The following SFI1 variants were observed in gnomAD, a reference collection of about 807,000 sequenced individuals.
SFI1 encodes SFI1 centrin binding protein, also known as protein SFI1 homolog.
Under a neutral mutation model 207.5 loss-of-function variants are expected in SFI1, and 195 were observed. The ratio of observed to expected loss-of-function variants is 0.94; its 90% confidence interval spans 0.84 to 1.06. The LOEUF (loss-of-function observed/expected upper bound fraction) is 1.06. Among genes scored for constraint, SFI1 ranks in the 50% least tolerant of loss-of-function variants. SFI1 has a pLI of 0.00. For missense variants in SFI1, 1,634 were observed against 1,588.0 expected (o/e 1.03, Z -0.49); for synonymous variants, 630 against 598.9 (o/e 1.05, Z -0.76).
chr22:31,521,166 G>C (rs2057200972), intron 2 of SFI1: 1 of 157,524 alleles, frequency 6.3e-6, no homozygotes, highest in African/African-American at 2.4e-5. Flanking sequence ...AGATTAATTA[G>C]AGACCTGAGA....
At chr22:31,584,213 G>T (rs1288429315) in intron 13 of SFI1, among the ~76,000 whole-genome samples, 2 of 152,140 alleles carry the variant, frequency 1.3e-5, no homozygotes, top group African/African-American at 4.8e-5. Flanking sequence ...TATGTGCCTG[G>T]TCGCTCACTG....
chr22:31,528,689 G>A lies in SFI1; in HGVS notation c.93-1G>A, dbSNP rs770091824. 32 of 1,611,222 alleles carry A rather than the reference G, an allele frequency of 2.0e-5. No homozygotes were observed. In the African/African-American group the frequency reaches 3.7e-4, roughly 19 times the overall value. ...TTGCCTCTTTCGTCCTCAAATTTAA[G>A]GTATTTTAAGGATGGTGCAGTTAAG... On this transcript the variant is annotated splice_acceptor_variant, in intron 2 of 32. Transcript: ENST00000400288. LOFTEE classifies it high-confidence loss of function.
intron 11 of SFI1, among the ~76,000 whole-genome samples, chr22:31,578,725 C>G (rs562093385): frequency 1.1e-4 from 17 of 152,056 alleles, no homozygotes; most frequent in African/African-American, 4.1e-4. Flanking sequence ...TTTTGAGTGG[C>G]GGAAGCCTCA....
In SFI1 at chr22:31,611,803, G is replaced by A. The variant is rs2070194803; in HGVS notation, c.2453G>A (p.Arg818Lys). 6.2e-7 allele frequency: 1 copy of A among 1,613,962 alleles called. No homozygotes were observed. The highest frequency in any genetic ancestry group is 2.2e-5 in the East Asian group (1 of 44,882). ...CAGAGCACCCAACTGCTGGCACAGA[G>A]ACTCAGCCGGACCTGCTTCCGCCAG... ...HRQSTQLLAQRLSRTCFRQWR... is the reference protein window; with the variant it reads ...HRQSTQLLAQKLSRTCFRQWR... Residue 818 changes from arginine to lysine, a missense_variant, in exon 24 of 33, where the codon AGA becomes AAA. Transcript: ENST00000400288.
At position 31,546,881 on chromosome 22, in the gene SFI1, T is replaced by A; in HGVS notation, c.359T>A (p.Leu120Ter). ...CGTAGATTTTACTATGAGCAGCGAT[T>A]ACTACGGAAGGTCTTCGAAGAATGG... Reference protein sequence around the residue: ...SKARFYYEQRLLRKVFEEWKE... With the variant: ...SKARFYYEQR Residue 120 changes from leucine (L) to a stop codon, truncating the protein, a stop_gained, in exon 5 of 33, where the codon TTA (leucine) becomes TAA (stop). Coordinates refer to ENST00000400288, the MANE Select transcript of SFI1 (RefSeq NM_001007467.3). LOFTEE classifies it high-confidence loss of function. 1 of 1,609,452 alleles carries A rather than the reference T, an allele frequency of 6.2e-7. No individual in the cohort carries two copies. The highest frequency in any genetic ancestry group is 8.5e-7 in the Non-Finnish European group (1 of 1,177,906).
In SFI1 at chr22:31,615,033, C is replaced by T. The variant is rs1395743118; in HGVS notation, c.3069-15C>T. ...TCCTGTGGCCTGACCAGGCTCTTGCCTTCCCTGTGCTCAGGCCTCAGAAGC... is the reference window on the plus strand; with the variant it reads ...TCCTGTGGCCTGACCAGGCTCTTGCTTTCCCTGTGCTCAGGCCTCAGAAGC... On this transcript the variant is annotated splice_polypyrimidine_tract_variant and intron_variant, in intron 28 of 32. Coordinates refer to ENST00000400288, the MANE Select transcript of SFI1 (RefSeq NM_001007467.3). 12 of 1,611,348 alleles carry T rather than the reference C, an allele frequency of 7.4e-6. No individual in the cohort carries two copies. The highest frequency in any genetic ancestry group is 9.3e-6 in the Non-Finnish European group (11 of 1,179,250).
intron 6 of SFI1, among the ~76,000 whole-genome samples, chr22:31,554,494 G>C (rs950789557): frequency 6.6e-6 from 1 of 151,442 alleles, no homozygotes. Flanking sequence ...ATTTTTAATA[G>C]AGACGGGATT....
intron 6 of SFI1, 79 bp from the exon 7 acceptor site, chr22:31,556,863 G>A: frequency 3.3e-6 from 3 of 914,548 alleles, no homozygotes; most frequent in Non-Finnish European, 4.9e-6. Flanking sequence ...ATTCAAAGGA[G>A]AGCCCTTGAG....
At chr22:31,593,434 T>G (rs913563192) in intron 15 of SFI1, among the ~76,000 whole-genome samples, 7 of 130,966 alleles carry the variant, frequency 5.3e-5, no homozygotes, top group Admixed American at 3.7e-4. Context: ...TTCCTAGATG[T>G]GATGGCGGCT....
At chr22:31,528,583 G>C in intron 2 of SFI1, 107 bp from the exon 3 acceptor site, 3 of 1,000,914 alleles carry the variant, frequency 3.0e-6, no homozygotes, top group Non-Finnish European at 4.5e-6. Context: ...GGTATTGTCA[G>C]TCTCAATGAG....
At chr22:31,530,975 G>A (rs956493451) in intron 3 of SFI1, 83 bp from the exon 4 acceptor site, 35 of 1,162,308 alleles carry the variant, frequency 3.0e-5, no homozygotes, top group Non-Finnish European at 4.4e-5. Context: ...AGACCTTAAA[G>A]GCTTCCTTTC....
intron 5 of SFI1, among the ~76,000 whole-genome samples, chr22:31,548,544 G>A (rs1266734362): frequency 6.6e-6 from 1 of 151,798 alleles, no homozygotes; most frequent in Non-Finnish European, 1.5e-5. Context: ...TCGGAAGGTT[G>A]AGACAGGAAA....
rs368053809 is a variant in SFI1 at position 31,611,184 on chromosome 22, C to T, written c.2296C>T (p.Arg766Trp). 29 of 1,614,116 alleles carry T rather than the reference C, an allele frequency of 1.8e-5. No homozygotes were observed. Among genetic ancestry groups the T allele is most frequent in the South Asian group, 1.3e-4 (12 of 91,076 alleles). Reference sequence around the variant, plus strand: ...GTTTCAGCGCTGGTGGGACTGCAGCCGGAGGTCAGCCCAGCAGAGACTGCA... The same window carrying T: ...GTTTCAGCGCTGGTGGGACTGCAGCTGGAGGTCAGCCCAGCAGAGACTGCA... ...TWFQRWWDCS[R>W]RSAQQRLQLE... The change falls in exon 23 of 33, where the codon CGG (arginine) becomes TGG (tryptophan). Residue 766 changes from arginine to tryptophan, a missense_variant. By Grantham distance (101) the Arg-to-Trp change is moderately radical. Transcript: ENST00000400288.
At chr22:31,604,286 G>A in intron 18 of SFI1, 23 bp from the exon 19 acceptor site, 1 of 1,553,684 alleles carries the variant, frequency 6.4e-7, no homozygotes. Flanking sequence ...GCCCACGGTA[G>A]CTGCTTTCTC....
rs2068477132 is a variant in SFI1, at chr22:31,603,541, C to T, written c.1806-203C>T. Among the ~76,000 whole-genome samples the T allele has an allele frequency of 3.9e-5, 6 of 152,220 alleles. No homozygotes were observed. The South Asian group carries it at 1.2e-3, about 31-fold the overall frequency. ...CTGCACATGTGAGCTTCAATGGCAC[C>T]TGAAGCCCTGGGAAGTTGTAGGCCA... On this transcript the variant is annotated intron_variant, in intron 17 of 32. Coordinates refer to ENST00000400288, the MANE Select transcript of SFI1 (RefSeq NM_001007467.3).
At chr22:31,617,605 C>T (rs1339773410) in intron 31 of SFI1, among the ~76,000 whole-genome samples, 1 of 151,754 alleles carries the variant, frequency 6.6e-6, no homozygotes, top group Non-Finnish European at 1.5e-5. Context: ...CATGTAGTCC[C>T]AACTACTTGG....
chr22:31,599,799 C>T (rs772695138), intron 15 of SFI1, among the ~76,000 whole-genome samples: 1 of 151,782 alleles, frequency 6.6e-6, no homozygotes, highest in Non-Finnish European at 1.5e-5. Context: ...AATTAATATA[C>T]CATTTCATGT....
intron 4 of SFI1, among the ~76,000 whole-genome samples, chr22:31,541,717 C>G (rs930410810): frequency 7.0e-5 from 10 of 142,342 alleles, no homozygotes; most frequent in Non-Finnish European, 9.0e-5. Context: ...GCACTCCAGC[C>G]TAGGTAACAG....
chr22:31,522,064 C>CTTTTTTT (rs752422385), intron 2 of SFI1, among the ~76,000 whole-genome samples: 3 of 76,382 alleles, frequency 3.9e-5, no homozygotes, highest in Non-Finnish European at 4.7e-5. Context: ...TACACCTGGC[C>CTTTTTTT]TTTTTTTTTT....
Sources: gnomAD v4.1 joint callset for allele counts (sites outside exome capture counted in the v4.1 genomes callset) on GRCh38, gnomAD v4.1.1 for gene constraint, MANE v1.5 for transcripts, NCBI Gene and HGNC (gene_info 2026-07-23, HGNC 2026-07-21) for gene names.